Variants in CWH43 observed in about 807,000 individuals in gnomAD.
The protein encoded by CWH43 is cell wall biogenesis 43 C-terminal homolog.
CWH43 carries 91 observed loss-of-function variants against 85.7 expected under a neutral mutation model. That is an observed-to-expected ratio of 1.06 (90% CI 0.90 to 1.26). The LOEUF (loss-of-function observed/expected upper bound fraction) is 1.26. Among genes scored for constraint, CWH43 ranks in the 50% most tolerant of loss-of-function variants. The pLI is 0.00. For synonymous variants in CWH43, 323 were observed against 293.6 expected (o/e 1.10, Z -1.02); for missense variants, 869 against 839.2 (o/e 1.04, Z -0.44).
intron 8 of CWH43, among the ~76,000 whole-genome samples, chr4:49,011,959 G>C (rs555691412): frequency 6.6e-6 from 1 of 152,208 alleles, no homozygotes; most frequent in African/African-American, 2.4e-5. Flanking sequence ...TCTTGGGGTT[G>C]CTCTTCTTGA....
chr4:49,007,832 T>C lies in CWH43; in HGVS notation c.1186+506T>C, dbSNP rs530035023. ...TTTTTTATGGCTGCCTAGTATTCCATGGTGTATATGTGCCACATTTTCTTA... is the reference window on the plus strand; with the variant it reads ...TTTTTTATGGCTGCCTAGTATTCCACGGTGTATATGTGCCACATTTTCTTA... On this transcript the variant is annotated intron_variant, in intron 8 of 15. Coordinates refer to ENST00000226432, the MANE Select transcript of CWH43 (RefSeq NM_025087.3). 5.9e-4 allele frequency among the ~76,000 whole-genome samples: 90 copies of C among 152,354 alleles called. 1 individual carries two copies. The highest frequency in any genetic ancestry group is 2.0e-3 in the African/African-American group (84 of 41,580).
Position 48,998,548 on chromosome 4 carries a change from G to C in CWH43, c.802G>C (p.Gly268Arg). The change falls in exon 6 of 16, where the codon GGA (glycine) becomes CGA (arginine). Residue 268 changes from glycine to arginine, a missense_variant and splice_region_variant. By Grantham distance (125) the Gly-to-Arg change is moderately radical (BLOSUM62 -2). This residue lies in a region of CWH43 where 152 missense variants were observed against 203.6 expected (regional missense o/e 0.75). Transcript: ENST00000226432. ...RGTGLIWWVTGTASAAGLLYL... is the reference protein window; with the variant it reads ...RGTGLIWWVTRTASAAGLLYL... ...TACTGGTTTGATCTGGTGGGTTACAGGTATGTGGAATTTACCTGCAGATAG... is the reference window on the plus strand; with the variant it reads ...TACTGGTTTGATCTGGTGGGTTACACGTATGTGGAATTTACCTGCAGATAG... 9.3e-6 allele frequency: 15 copies of C among 1,611,670 alleles called. No individual in the cohort carries two copies. Among genetic ancestry groups the C allele is most frequent in the Non-Finnish European group, 1.2e-5 (14 of 1,177,820 alleles).
intron 6 of CWH43, among the ~76,000 whole-genome samples, chr4:48,999,960 T>C (rs1212257082): frequency 1.3e-5 from 2 of 152,124 alleles, no homozygotes; most frequent in East Asian, 1.9e-4. Flanking sequence ...GGAGGGAGCA[T>C]TGAACTTATT....
At position 49,056,535 on chromosome 4, in the gene CWH43, T is replaced by A. The variant is rs75103588; in HGVS notation, c.2022-5277T>A. ...GTAACATCTCCACACTGATTTATAA[T>A]TTTATTAATTTGATTTTCTCTTTTT... On this transcript the variant is annotated intron_variant, in intron 15 of 15. Transcript: ENST00000226432. 4.1e-3 allele frequency among the ~76,000 whole-genome samples: 631 copies of A among 152,270 alleles called. 2 individuals carry two copies. Among genetic ancestry groups the A allele is most frequent in the Non-Finnish European group, 6.8e-3 (460 of 68,022 alleles).
At chr4:49,044,266 A>G (rs1165818160) in intron 13 of CWH43, among the ~76,000 whole-genome samples, 1 of 152,222 alleles carries the variant, frequency 6.6e-6, no homozygotes, top group East Asian at 1.9e-4. Flanking sequence ...TATTTCCATG[A>G]TTCAATTTAA....
chr4:49,022,715 C>A (rs1441447688), intron 9 of CWH43, among the ~76,000 whole-genome samples: 1 of 152,064 alleles, frequency 6.6e-6, no homozygotes, highest in East Asian at 1.9e-4. Context: ...ATTGCCATTT[C>A]AATCTGGCTG....
At chr4:49,025,978 G>T (rs1783904643) in intron 9 of CWH43, among the ~76,000 whole-genome samples, 1 of 152,098 alleles carries the variant, frequency 6.6e-6, no homozygotes, top group Non-Finnish European at 1.5e-5. Flanking sequence ...TAGGGGCAGG[G>T]TTAGGTGTGT....
chr4:49,037,303 G>T (rs902118285), intron 12 of CWH43, among the ~76,000 whole-genome samples: 1 of 152,220 alleles, frequency 6.6e-6, no homozygotes, highest in African/African-American at 2.4e-5. Context: ...GGGCGCAGTG[G>T]CTCACGCCTG....
rs1375611718 is a variant in CWH43 at position 49,024,003 on chromosome 4, T to C, written c.1267-4626T>C. 6.6e-5 allele frequency among the ~76,000 whole-genome samples: 10 copies of C among 152,332 alleles called. No homozygotes were observed. The South Asian group carries it at 1.2e-3, about 19-fold the overall frequency. ...CTCATTTCTTAGGTCTAATAGTAAT[T>C]GTTTTATAAATTTGGGGGTTCCAGT... On this transcript the variant is annotated intron_variant, in intron 9 of 15. Coordinates refer to ENST00000226432, the MANE Select transcript of CWH43 (RefSeq NM_025087.3).
intron 15 of CWH43, among the ~76,000 whole-genome samples, chr4:49,057,198 C>A (rs137933260): frequency 6.6e-6 from 1 of 152,132 alleles, no homozygotes; most frequent in Non-Finnish European, 1.5e-5. Context: ...GAGGTCCTGA[C>A]GACATGTGCC....
In CWH43 at chr4:49,016,968, G is replaced by A. The variant is rs186199348; in HGVS notation, c.1187-281G>A. Reference sequence around the variant, plus strand: ...ATTAGTCACTTTGTAGCAGTTCTGCGCAGGCACAGCAATCTTGGGATCTAG... The same window carrying A: ...ATTAGTCACTTTGTAGCAGTTCTGCACAGGCACAGCAATCTTGGGATCTAG... On this transcript the variant is annotated intron_variant, in intron 8 of 15. Transcript: ENST00000226432. The A allele has an allele frequency of 5.2e-5, 41 of 782,428 alleles. 1 individual carries two copies. Among genetic ancestry groups the A allele is most frequent in the East Asian group, 1.5e-4 (6 of 41,096 alleles). The allele number at this position is 782,428 out of a possible 1,614,324, so 48.5% of individuals were successfully genotyped here.
chr4:49,000,775 C>G (rs1782964669), intron 6 of CWH43, among the ~76,000 whole-genome samples: 1 of 152,144 alleles, frequency 6.6e-6, no homozygotes, highest in Admixed American at 6.6e-5. Flanking sequence ...AAGGTCATAT[C>G]CTTGAGAGTC....
rs139100672 is a variant in CWH43, at chr4:49,044,879, C to T, written c.1865+32C>T. ...ACAGGGGTTTGATTTTGTTTTTAAT[C>T]TATTATTAATGTGATCTTTTGGGTC... is the stretch of plus-strand genomic sequence containing the variant. On this transcript the variant is annotated intron_variant, in intron 14 of 15. Coordinates refer to ENST00000226432, the MANE Select transcript of CWH43 (RefSeq NM_025087.3). The T allele has an allele frequency of 4.8e-3, 7,475 of 1,566,168 alleles. 39 individuals are homozygous for T. The highest frequency in any genetic ancestry group is 5.1e-3 in the Middle Eastern group (30 of 5,940).
chr4:49,023,326 C>T (rs1438685888), intron 9 of CWH43, among the ~76,000 whole-genome samples: 2 of 152,016 alleles, frequency 1.3e-5, no homozygotes, highest in Non-Finnish European at 2.9e-5. Flanking sequence ...TATTTAATTT[C>T]TATATATTTG....
At chr4:49,026,675 C>T (rs1208373554) in intron 9 of CWH43, among the ~76,000 whole-genome samples, 2 of 152,198 alleles carry the variant, frequency 1.3e-5, no homozygotes, top group African/African-American at 4.8e-5. Context: ...CTTAGAATAA[C>T]GGCATTCAGA....
chr4:48,995,074 C>T (rs1782769610), intron 5 of CWH43, among the ~76,000 whole-genome samples: 1 of 152,114 alleles, frequency 6.6e-6, no homozygotes, highest in Non-Finnish European at 1.5e-5. Flanking sequence ...TAAGAGGTTC[C>T]CAGAGCTCCA....
At chr4:49,038,861 A>G (rs1784346547) in intron 13 of CWH43, among the ~76,000 whole-genome samples, 1 of 151,606 alleles carries the variant, frequency 6.6e-6, no homozygotes, top group African/African-American at 2.4e-5. Context: ...GATCGAGACC[A>G]TCCTGGTTAA....
chr4:49,058,379 T>G (rs555319409), intron 15 of CWH43, among the ~76,000 whole-genome samples: 7 of 152,290 alleles, frequency 4.6e-5, no homozygotes, highest in Non-Finnish European at 8.8e-5. Context: ...TCCCACTACA[T>G]TTTATGTTAT....
chr4:49,043,447 G>A (rs1343172411), intron 13 of CWH43, among the ~76,000 whole-genome samples: 2 of 152,206 alleles, frequency 1.3e-5, no homozygotes, highest in African/African-American at 4.8e-5. Flanking sequence ...AGGAGAATTT[G>A]ATTTGATTTT....
Sources: allele counts gnomAD v4.1 joint callset (sites outside exome capture counted in the v4.1 genomes callset), GRCh38; gene constraint gnomAD v4.1.1; regional missense constraint gnomAD v4.1.1; transcripts MANE v1.5; gene names NCBI Gene and HGNC (gene_info 2026-07-23, HGNC 2026-07-21).